GALNT17: variants seen among roughly 807,000 people sequenced by gnomAD.
GALNT17 encodes UDP-GalNAc:polypeptide N-acetylgalactosaminyltransferase-like 3.
Under a neutral mutation model 63.7 loss-of-function variants are expected in GALNT17, and 29 were observed. The ratio of observed to expected loss-of-function variants is 0.46; its 90% CI spans 0.34 to 0.62. The LOEUF (loss-of-function observed/expected upper bound fraction) is 0.62. Among genes scored for constraint, GALNT17 ranks in the 20% least tolerant of loss-of-function variants. The pLI, the probability that GALNT17 is intolerant of heterozygous loss-of-function variation, is 0.01. For synonymous variants in GALNT17, 305 were observed against 318.3 expected, an observed-to-expected ratio of 0.96 and a Z score of 0.45; for missense variants, 603 against 799.6, an observed-to-expected ratio of 0.75 and a Z score of 2.97.
intron 6 of GALNT17, among the ~76,000 whole-genome samples, chr7:71,593,217 T>C (rs1789836307): frequency 1.3e-5 from 2 of 150,070 alleles, no homozygotes; most frequent in Admixed American, 1.3e-4. Flanking sequence ...ACAAGAAGTC[T>C]AAATGGAAAT....
intron 3 of GALNT17, among the ~76,000 whole-genome samples, chr7:71,395,859 CT>C (rs1210113682): frequency 6.6e-6 from 1 of 152,138 alleles, no homozygotes; most frequent in Non-Finnish European, 1.5e-5. Context: ...TTTTGAGCAT[CT>C]TTTCATGTGC....
At chr7:71,172,726 A>G (rs11977314) in intron 1 of GALNT17, among the ~76,000 whole-genome samples, 1,991 of 152,268 alleles carry the variant, frequency 0.013, 41 homozygotes, top group African/African-American at 0.046. Flanking sequence ...TACTGGATAG[A>G]TATAAGTCCC....
At chr7:71,236,247 T>C (rs1481041359) in intron 1 of GALNT17, among the ~76,000 whole-genome samples, 1 of 152,096 alleles carries the variant, frequency 6.6e-6, no homozygotes, top group African/African-American at 2.4e-5. Flanking sequence ...CAAACTCACT[T>C]ACACTGAGGT....
intron 6 of GALNT17, among the ~76,000 whole-genome samples, chr7:71,585,508 A>T (rs1009563208): frequency 6.6e-6 from 1 of 152,226 alleles, no homozygotes; most frequent in African/African-American, 2.4e-5. Flanking sequence ...GGAAAGCAGG[A>T]TAAATGCTTG....
At chr7:71,249,093 T>C (rs1256411801) in intron 1 of GALNT17, among the ~76,000 whole-genome samples, 1 of 152,158 alleles carries the variant, frequency 6.6e-6, no homozygotes, top group Non-Finnish European at 1.5e-5. Flanking sequence ...TAACAAAAAG[T>C]AGAGTCAGTA....
chr7:71,692,969 C>T (rs1737250323), intron 9 of GALNT17, among the ~76,000 whole-genome samples: 1 of 151,488 alleles, frequency 6.6e-6, no homozygotes, highest in Non-Finnish European at 1.5e-5. Context: ...AAACTCCTGA[C>T]CTCAAGTGAT....
chr7:71,314,767 T>G (rs575313078), intron 1 of GALNT17, among the ~76,000 whole-genome samples: 1 of 152,078 alleles, frequency 6.6e-6, no homozygotes, highest in African/African-American at 2.4e-5. Context: ...ATTAGCGTGG[T>G]GTGGTGGTAC....
intron 6 of GALNT17, among the ~76,000 whole-genome samples, chr7:71,604,820 A>G (rs983486423): frequency 6.6e-6 from 1 of 152,174 alleles, no homozygotes; most frequent in Non-Finnish European, 1.5e-5. Context: ...AAATGTACCA[A>G]GTTCCTCACT....
At chr7:71,274,338 G>A (rs1352103105) in intron 1 of GALNT17, among the ~76,000 whole-genome samples, 4 of 152,112 alleles carry the variant, frequency 2.6e-5, no homozygotes, top group African/African-American at 9.7e-5. Context: ...GTGTGCAGTG[G>A]CATGATCATA....
intron 1 of GALNT17, among the ~76,000 whole-genome samples, chr7:71,254,208 A>G (rs1043839198): frequency 1.3e-5 from 2 of 152,210 alleles, no homozygotes; most frequent in Admixed American, 6.5e-5. Context: ...CCTAGAATCA[A>G]TAGAAAGGAG....
chr7:71,552,194 G>C (rs1002386558), intron 5 of GALNT17, among the ~76,000 whole-genome samples: 1 of 151,996 alleles, frequency 6.6e-6, no homozygotes, highest in Non-Finnish European at 1.5e-5. Flanking sequence ...ACAGGAGCAT[G>C]CCACCACACT....
At chr7:71,437,596 T>C (rs2116507624) in intron 5 of GALNT17, among the ~76,000 whole-genome samples, 1 of 152,338 alleles carries the variant, frequency 6.6e-6, no homozygotes, top group Middle Eastern at 3.4e-3. Context: ...TCAACGAATA[T>C]GTAACTTCAC....
intron 6 of GALNT17, among the ~76,000 whole-genome samples, chr7:71,663,200 T>G (rs940202605): frequency 2.0e-5 from 3 of 152,172 alleles, no homozygotes; most frequent in African/African-American, 7.2e-5. Flanking sequence ...CTTACGAACT[T>G]TAGGATCTGC....
intron 2 of GALNT17, among the ~76,000 whole-genome samples, chr7:71,375,310 C>T (rs1422444172): frequency 3.3e-5 from 5 of 152,144 alleles, no homozygotes; most frequent in Admixed American, 1.3e-4. Flanking sequence ...TTTGGTAATA[C>T]GTTTCTCATT....
At chr7:71,164,919 T>A (rs1327018008) in intron 1 of GALNT17, among the ~76,000 whole-genome samples, 4 of 152,216 alleles carry the variant, frequency 2.6e-5, no homozygotes, top group African/African-American at 9.6e-5. Flanking sequence ...CTAAGAAGCC[T>A]GTTTTGTTTT....
chr7:71,152,408 G>A (rs1788152103), intron 1 of GALNT17, among the ~76,000 whole-genome samples: 1 of 152,100 alleles, frequency 6.6e-6, no homozygotes, highest in South Asian at 2.1e-4. Context: ...CCAAGGGGCG[G>A]AGTAGACTGG....
intron 2 of GALNT17, among the ~76,000 whole-genome samples, chr7:71,348,758 A>C (rs1792138975): frequency 6.6e-6 from 1 of 152,198 alleles, no homozygotes; most frequent in Non-Finnish European, 1.5e-5. Context: ...GAGCTGCAGG[A>C]GGGGCTAGCT....
chr7:71,215,779 G>T (rs2116405291), intron 1 of GALNT17, among the ~76,000 whole-genome samples: 1 of 152,232 alleles, frequency 6.6e-6, no homozygotes. Flanking sequence ...GTTAGAACAA[G>T]GGCAGCGTTC....
intron 5 of GALNT17, among the ~76,000 whole-genome samples, chr7:71,449,404 A>T (rs1481857626): frequency 6.6e-6 from 1 of 152,126 alleles, no homozygotes; most frequent in Non-Finnish European, 1.5e-5. Context: ...ACCAGTGGAT[A>T]ATCACATTAT....
Sources: gnomAD v4.1 joint callset for allele counts (sites outside exome capture counted in the v4.1 genomes callset) on GRCh38, gnomAD v4.1.1 for gene constraint, MANE v1.5 for transcripts, NCBI Gene and HGNC (gene_info 2026-07-23, HGNC 2026-07-21) for gene names.